TMEM63A: variants seen among roughly 807,000 people sequenced by gnomAD.
TMEM63A encodes transmembrane protein 63A.
In TMEM63A, 76 loss-of-function variants were observed where a neutral mutation model predicts 100.6. That is an observed-to-expected ratio of 0.76 (90% CI 0.63 to 0.91). The LOEUF (loss-of-function observed/expected upper bound fraction) is 0.91. TMEM63A is among the 40% of genes least tolerant of loss of function. TMEM63A has a pLI of 0.00. For missense variants in TMEM63A, 876 were observed against 1,008.8 expected (o/e 0.87, Z 1.78); for synonymous variants, 401 against 401.1 (o/e 1.00, Z 0.00).
intron 20 of TMEM63A, 125 bp downstream of exon 20, chr1:225,852,539 G>T: frequency 1.2e-6 from 1 of 808,546 alleles, no homozygotes; most frequent in East Asian, 2.6e-5. Context: ...TTAGCAGCTT[G>T]TGGCTCTTGT....
intron 22 of TMEM63A, 71 bp from the exon 23 acceptor site, chr1:225,848,625 A>C (rs1576064288): frequency 1.3e-6 from 2 of 1,504,558 alleles, no homozygotes; most frequent in Middle Eastern, 1.7e-4. Flanking sequence ...CTCCAAACAC[A>C]CAGACTATTA....
At chr1:225,850,518 A>G (rs1669271272) in intron 20 of TMEM63A, among the ~76,000 whole-genome samples, 1 of 152,138 alleles carries the variant, frequency 6.6e-6, no homozygotes, top group African/African-American at 2.4e-5. Flanking sequence ...ACCTTTGATC[A>G]TCCACTGGTG....
downstream of TMEM63A, chr1:225,844,615 G>C: frequency 6.2e-7 from 1 of 1,614,102 alleles, no homozygotes; most frequent in Non-Finnish European, 8.5e-7. Flanking sequence ...TGACCCAGAA[G>C]CATGAGCGGT....
intron 9 of TMEM63A, 71 bp from the exon 10 acceptor site, chr1:225,866,038 C>T (rs1670190203): frequency 1.3e-6 from 2 of 1,482,860 alleles, no homozygotes; most frequent in South Asian, 2.3e-5. Context: ...GGTTTCCTAC[C>T]CAACTCCAGC....
chr1:225,859,583 G>T, intron 14 of TMEM63A: 1 of 526,414 alleles, frequency 1.9e-6, no homozygotes. Context: ...CCTACCCAAA[G>T]AGATGGCATG....
Position 225,865,682 on chromosome 1 carries a change from A to G in TMEM63A, c.746+215T>C. ...TGTGCACAGGCTGCTTGAAGAGGAT[A>G]GGCCACCAGGGCGCTATTCACTGCA... On this transcript the variant is annotated intron_variant, in intron 10 of 24. Coordinates refer to ENST00000366835, the MANE Select transcript of TMEM63A (RefSeq NM_014698.3). The surrounding 1 kb of genome is among the most constrained non-coding windows in gnomAD (Gnocchi z 4.6). 1.8e-6 allele frequency: 1 copy of G among 562,218 alleles called. No homozygotes were observed. The highest frequency in any genetic ancestry group is 3.2e-6 in the Non-Finnish European group (1 of 311,496). The allele number at this position is 562,218 out of a possible 1,614,324, so 34.8% of individuals were successfully genotyped here. A position where few individuals can be genotyped will look rare whatever the true frequency, so the allele number is the denominator to read the frequency against.
chr1:225,856,569 A>G (rs926345606), intron 17 of TMEM63A, 83 bp downstream of exon 17: 10 of 1,467,644 alleles, frequency 6.8e-6, no homozygotes, highest in Non-Finnish European at 9.4e-6. Context: ...TTCTGCTGCC[A>G]AACCGTTTGC....
chr1:225,871,759 A>G (rs986857217), intron 5 of TMEM63A: 6 of 534,532 alleles, frequency 1.1e-5, no homozygotes, highest in East Asian at 3.0e-5. Flanking sequence ...GGGAAGCCCA[A>G]GGGATTCCGT....
chr1:225,852,354 C>T (rs936655879), intron 20 of TMEM63A, among the ~76,000 whole-genome samples: 7 of 152,120 alleles, frequency 4.6e-5, no homozygotes, highest in African/African-American at 9.7e-5. Context: ...GGCATGGTGG[C>T]GGGCACCTGT....
intron 6 of TMEM63A, among the ~76,000 whole-genome samples, chr1:225,868,743 C>CA (rs1407653842): frequency 6.6e-6 from 1 of 151,936 alleles, no homozygotes; most frequent in Non-Finnish European, 1.5e-5. Flanking sequence ...CCCAGGCCCC[C>CA]ACCTGTTTCC....
chr1:225,866,113 C>A, intron 9 of TMEM63A, 146 bp from the exon 10 acceptor site: 3 of 776,494 alleles, frequency 3.9e-6, no homozygotes, highest in Non-Finnish European at 6.4e-6. Flanking sequence ...CCGGGGGAGC[C>A]CCCAAAGCAT....
At chr1:225,868,914 T>C (rs904727650) in intron 6 of TMEM63A, among the ~76,000 whole-genome samples, 24 of 152,028 alleles carry the variant, frequency 1.6e-4, no homozygotes, top group African/African-American at 5.6e-4. Flanking sequence ...CACTGGGGAC[T>C]CAGAAATTTC....
chr1:225,844,070 G>A (rs1368726292), downstream of TMEM63A, among the ~76,000 whole-genome samples: 1 of 152,136 alleles, frequency 6.6e-6, no homozygotes, highest in African/African-American at 2.4e-5. Flanking sequence ...GTAAAATGGA[G>A]ATAATAGTAC....
At chr1:225,856,573 C>A in intron 17 of TMEM63A, 79 bp downstream of exon 17, 1 of 1,474,644 alleles carries the variant, frequency 6.8e-7, no homozygotes, top group South Asian at 1.2e-5. Flanking sequence ...GCTGCCAAAC[C>A]GTTTGCATTC....
rs1490622894 is a variant in TMEM63A at position 225,845,993 on chromosome 1, GCTTCT to G, written c.*941_*945del. ...GCCCCCTGGAGGCAGCAGGGAGGAG[GCTTCT>G]CAGGCAGAAGTCTTAAGTTGCATCC... On this transcript the variant is annotated 3_prime_UTR_variant, in exon 25 of 25. Coordinates refer to ENST00000366835, the MANE Select transcript of TMEM63A (RefSeq NM_014698.3). The G allele has an allele frequency of 6.4e-6, 1 of 156,210 alleles. No individual in the cohort carries two copies. Among genetic ancestry groups the G allele is most frequent in the Non-Finnish European group, 1.4e-5 (1 of 70,576 alleles). The allele number at this position is 156,210 out of a possible 1,614,324, so 9.7% of individuals were successfully genotyped here.
At chr1:225,881,757 T>A (rs1297028308) in intron 1 of TMEM63A, among the ~76,000 whole-genome samples, 2 of 152,140 alleles carry the variant, frequency 1.3e-5, no homozygotes, top group Admixed American at 6.5e-5. Context: ...CTTTGCGGAT[T>A]TGGTTTCTTA....
In TMEM63A at chr1:225,862,536, CT is replaced by C. The variant is rs780546104; in HGVS notation, c.869del (p.Gln290ArgfsTer2). The C allele has an allele frequency of 6.2e-6, 10 of 1,613,978 alleles. No homozygotes were observed. Among genetic ancestry groups the C allele is most frequent in the African/African-American group, 1.3e-5 (1 of 74,912 alleles). On this transcript the variant is annotated frameshift_variant, in exon 12 of 25. Transcript: ENST00000366835. LOFTEE classifies it high-confidence loss of function. This position sits in a 1 kb window ranked among gnomAD's most constrained non-coding sequence, Gnocchi z 5.1. ...TGAGGGTCCGCTGGCCTGTCTTCAC[CT>C]GCAGGTTTGTGTAATAGGTCAGGCT... ...EKSLTYYTNL[Q>X]VKTGQRTLIN...
rs901459139 is a variant in TMEM63A at position 225,846,975 on chromosome 1, G to C, written c.*7-43C>G. The C allele has an allele frequency of 1.1e-5, 17 of 1,520,486 alleles. No individual in the cohort carries two copies. The South Asian group carries it at 1.8e-4, about 16-fold the overall frequency. 94.2% of individuals were successfully genotyped at this position (1,520,486 alleles called of 1,614,324 possible). On this transcript the variant is annotated intron_variant, in intron 24 of 24. Coordinates refer to ENST00000366835, the MANE Select transcript of TMEM63A (RefSeq NM_014698.3). Reference sequence around the variant, plus strand: ...AAGTCATGAACTTGGGAGTCAGGCCGCTTCACCTGTCTTCTCACCCCACAG... The same window carrying C: ...AAGTCATGAACTTGGGAGTCAGGCCCCTTCACCTGTCTTCTCACCCCACAG...
intron 14 of TMEM63A, 38 bp from the exon 15 acceptor site, chr1:225,859,387 C>T (rs899802290): frequency 6.2e-7 from 1 of 1,609,810 alleles, no homozygotes; most frequent in Non-Finnish European, 8.5e-7. Flanking sequence ...CGAGGCTTGT[C>T]TCCCAGTGCT....
Sources: gnomAD v4.1 joint callset for allele counts (sites outside exome capture counted in the v4.1 genomes callset) on GRCh38, gnomAD v4.1.1 for gene constraint, Gnocchi (gnomAD v3.1) non-coding constraint, MANE v1.5 for transcripts, NCBI Gene and HGNC (gene_info 2026-07-23, HGNC 2026-07-21) for gene names.